Variants in SHCBP1L observed in about 807,000 individuals in gnomAD.
SHCBP1L encodes the protein testicular spindle-associated protein SHCBP1L.
A neutral mutation model predicts 62.5 loss-of-function variants in SHCBP1L; 67 were observed. The ratio of observed to expected loss-of-function variants is 1.07; its 90% confidence interval spans 0.88 to 1.31. The LOEUF (loss-of-function observed/expected upper bound fraction) is 1.31. Among genes scored for constraint, SHCBP1L ranks in the 40% most tolerant of loss-of-function variants. SHCBP1L has a pLI of 0.00. For missense variants in SHCBP1L, 823 were observed against 809.8 expected, an observed-to-expected ratio of 1.02 and a Z score of -0.20; for synonymous variants, 284 against 289.4, an observed-to-expected ratio of 0.98 and a Z score of 0.19.
At chr1:182,939,940 T>A (rs927112219) in intron 3 of SHCBP1L, among the ~76,000 whole-genome samples, 1 of 152,086 alleles carries the variant, frequency 6.6e-6, no homozygotes, top group Non-Finnish European at 1.5e-5. Flanking sequence ...TGTATCAACT[T>A]ATAAGAAGCA....
At position 182,917,543 on chromosome 1, in the gene SHCBP1L, C is replaced by A. The variant is rs926837550; in HGVS notation, c.1183-11894G>T. On this transcript the variant is annotated intron_variant, in intron 6 of 9. Transcript: ENST00000367547. ...ACAGGCGTGAGTCACTGCACCCGGCCAGAAATTTATTTTCTTACAGTTCTG... is the reference window on the plus strand; with the variant it reads ...ACAGGCGTGAGTCACTGCACCCGGCAAGAAATTTATTTTCTTACAGTTCTG... 6.4e-4 allele frequency among the ~76,000 whole-genome samples: 98 copies of A among 152,094 alleles called. 4 individuals are homozygous for A. Among genetic ancestry groups the A allele is most frequent in the Non-Finnish European group, 1.5e-5 (1 of 68,026 alleles).
intron 5 of SHCBP1L, among the ~76,000 whole-genome samples, chr1:182,930,151 T>C (rs1339772095): frequency 6.6e-6 from 1 of 152,174 alleles, no homozygotes; most frequent in Non-Finnish European, 1.5e-5. Context: ...CGAATATACA[T>C]AATTTTAGAT....
At chr1:182,909,882 T>C (rs1571338150) in intron 6 of SHCBP1L, among the ~76,000 whole-genome samples, 1 of 152,224 alleles carries the variant, frequency 6.6e-6, no homozygotes, top group African/African-American at 2.4e-5. Context: ...TTTTCAGTGA[T>C]ATTCTGCAGA....
chr1:182,932,610 TCAGC>T (rs1181383651), intron 5 of SHCBP1L, among the ~76,000 whole-genome samples: 7 of 152,204 alleles, frequency 4.6e-5, no homozygotes, highest in African/African-American at 1.7e-4. Context: ...TTCTCCTGCC[TCAGC>T]CTCCCAAGTA....
rs377506931 is a variant in SHCBP1L at position 182,900,188 on chromosome 1, C to T, written c.1757G>A (p.Ser586Asn). The part of the protein sequence containing the change: ...KLKMTNNHIY[S>N]NKGYGVSILQ... ...AATGCTTACTCCATAGCCTTTGTTG[C>T]TATAAATATGATTATTAGTCATCTT... The change falls in exon 10 of 10, where the codon AGC (serine) becomes AAC (asparagine). Residue 586 changes from serine (S) to asparagine (N), a missense_variant. By Grantham distance (46) the Ser-to-Asn change is conservative. Coordinates refer to ENST00000367547, the MANE Select transcript of SHCBP1L (RefSeq NM_030933.4). 29 of 1,604,138 alleles carry T rather than the reference C, an allele frequency of 1.8e-5. No individual in the cohort carries two copies. The highest frequency in any genetic ancestry group is 1.6e-4 in the South Asian group (14 of 88,352).
At chr1:182,902,900 CAT>C in intron 9 of SHCBP1L, 137 bp downstream of exon 9, 1 of 521,078 alleles carries the variant, frequency 1.9e-6, no homozygotes, top group East Asian at 3.5e-5. Context: ...ATCATTTAAC[CAT>C]ATTTTATTAC....
chr1:182,900,204 T>C lies in SHCBP1L; in HGVS notation c.1741A>G (p.Asn581Asp), dbSNP rs943739293. ...VLPAPKLKMT[N>D]NHIYSNKGYG... Reference sequence around the variant, plus strand: ...CCTTTGTTGCTATAAATATGATTATTAGTCATCTTCAATTTGGGTGCTGGA... The same window carrying C: ...CCTTTGTTGCTATAAATATGATTATCAGTCATCTTCAATTTGGGTGCTGGA... Residue 581 changes from asparagine (N) to aspartate (D), a missense_variant, in exon 10 of 10, where the codon AAT (asparagine) becomes GAT (aspartate). By Grantham distance (23) the Asn-to-Asp change is conservative (BLOSUM62 1). Coordinates refer to ENST00000367547, the MANE Select transcript of SHCBP1L (RefSeq NM_030933.4). 1.9e-6 allele frequency: 3 copies of C among 1,586,050 alleles called. No individual in the cohort carries two copies. Among genetic ancestry groups the C allele is most frequent in the East Asian group, 2.3e-5 (1 of 44,324 alleles).
chr1:182,948,184 C>A (rs1651625176), intron 2 of SHCBP1L, among the ~76,000 whole-genome samples: 1 of 152,094 alleles, frequency 6.6e-6, no homozygotes, highest in Non-Finnish European at 1.5e-5. Flanking sequence ...CTGCACTGTT[C>A]AGGAGTCAAC....
chr1:182,938,860 T>C (rs1200798545), intron 5 of SHCBP1L, among the ~76,000 whole-genome samples: 1 of 152,234 alleles, frequency 6.6e-6, no homozygotes, highest in Admixed American at 6.5e-5. Context: ...AGTTATCTTA[T>C]TTGCTTCACA....
intron 6 of SHCBP1L, among the ~76,000 whole-genome samples, chr1:182,927,295 C>T (rs1650796866): frequency 6.6e-6 from 1 of 151,706 alleles, no homozygotes; most frequent in African/African-American, 2.4e-5. Flanking sequence ...AGATGATGGG[C>T]ATGAATAAAC....
At chr1:182,942,014 C>T in intron 2 of SHCBP1L, 1 of 939,348 alleles carries the variant, frequency 1.1e-6, no homozygotes, top group Non-Finnish European at 1.7e-6. Context: ...TACTAAAAAA[C>T]TTGCATTTAC....
intron 6 of SHCBP1L, among the ~76,000 whole-genome samples, chr1:182,915,967 C>T (rs557128034): frequency 1.3e-5 from 2 of 151,970 alleles, no homozygotes; most frequent in Non-Finnish European, 1.5e-5. Flanking sequence ...CCATCACGCC[C>T]GGCTAATTTT....
rs116609427 is a variant in SHCBP1L at position 182,947,566 on chromosome 1, G to A, written c.555+3752C>T. Among the ~76,000 whole-genome samples, 1,494 of 152,156 alleles carry A rather than the reference G, an allele frequency of 9.8e-3. 27 individuals are homozygous for A. The highest frequency in any genetic ancestry group is 0.034 in the African/African-American group (1,416 of 41,516). On this transcript the variant is annotated intron_variant, in intron 2 of 9. Transcript: ENST00000367547. ...CAACTGGATGGGTCCACTTATATGC[G>A]TATTTTCTTCTGCCTCTGCTACCCT...
intron 5 of SHCBP1L, among the ~76,000 whole-genome samples, chr1:182,930,725 G>GTT (rs1433984410): frequency 3.9e-4 from 11 of 27,998 alleles, no homozygotes; most frequent in African/African-American, 1.1e-3. Flanking sequence ...ATATATATAT[G>GTT]TATTTTTTTT....
chr1:182,933,649 C>T (rs1047075239), intron 5 of SHCBP1L, among the ~76,000 whole-genome samples: 4 of 151,820 alleles, frequency 2.6e-5, no homozygotes, highest in Non-Finnish European at 4.4e-5. Flanking sequence ...GATTGATTTT[C>T]GTATTTTAAA....
chr1:182,951,302 A>G lies in SHCBP1L; in HGVS notation c.555+16T>C, dbSNP rs752518833. ...ACTGATTCAAAAAGAACAAAGATCA[A>G]ATAAAATTTATTTACCTCAACCAAT... On this transcript the variant is annotated intron_variant, in intron 2 of 9. Transcript: ENST00000367547. 2.6e-6 allele frequency: 4 copies of G among 1,518,322 alleles called. No homozygotes were observed. In the Admixed American group the frequency reaches 8.6e-5, roughly 33 times the overall value. 94.1% of individuals were successfully genotyped at this position (1,518,322 alleles called of 1,614,324 possible). A position where few individuals can be genotyped will look rare whatever the true frequency, so the allele number is the denominator to read the frequency against.
intron 1 of SHCBP1L, 62 bp from the exon 2 acceptor site, chr1:182,951,529 G>GT: frequency 7.8e-5 from 86 of 1,104,522 alleles, no homozygotes; most frequent in Middle Eastern, 6.1e-4. Flanking sequence ...TAAACTAAGT[G>GT]GTTTTTTTTT....
At chr1:182,924,782 A>AAGAAAGAG (rs1650653028) in intron 6 of SHCBP1L, among the ~76,000 whole-genome samples, 1 of 101,314 alleles carries the variant, frequency 9.9e-6, no homozygotes, top group African/African-American at 7.1e-5. Flanking sequence ...GAAAGAAAGA[A>AAGAAAGAG]AGAAAGAGAG....
chr1:182,924,786 AAGAGAG>A (rs370806414), intron 6 of SHCBP1L, among the ~76,000 whole-genome samples: 18 of 92,972 alleles, frequency 1.9e-4, no homozygotes, highest in Admixed American at 5.3e-4. Flanking sequence ...GAAAGAAAGA[AAGAGAG>A]AAAGAAAGGA....
Sources: allele counts gnomAD v4.1 joint callset (sites outside exome capture counted in the v4.1 genomes callset), GRCh38; gene constraint gnomAD v4.1.1; transcripts MANE v1.5; gene names NCBI Gene and HGNC (gene_info 2026-07-23, HGNC 2026-07-21).